Variants in GRM5 observed in about 807,000 individuals in gnomAD.
GRM5 encodes glutamate metabotropic receptor 5.
In GRM5, 19 loss-of-function variants were observed where a neutral mutation model predicts 83.1. The observed-to-expected ratio is 0.23, with a 90% CI of 0.16 to 0.34. GRM5 has a LOEUF of 0.34. GRM5 is among the 10% of genes least tolerant of loss of function. The pLI is 1.00. For synonymous variants in GRM5, 675 were observed against 633.6 expected (o/e 1.07, Z -0.98); for missense variants, 1,160 against 1,588.3 (o/e 0.73, Z 4.58).
intron 3 of GRM5, among the ~76,000 whole-genome samples, chr11:88,751,663 G>C (rs150354376): frequency 6.6e-6 from 1 of 151,964 alleles, no homozygotes; most frequent in South Asian, 2.1e-4. Flanking sequence ...GGAAAGTTCA[G>C]GCCAATATCC....
intron 3 of GRM5, among the ~76,000 whole-genome samples, chr11:88,707,829 T>A (rs1941197312): frequency 6.6e-6 from 1 of 152,150 alleles, no homozygotes; most frequent in Non-Finnish European, 1.5e-5. Context: ...TCATATTATA[T>A]CATTAAAACC....
At chr11:89,046,204 C>G (rs1343490130) in intron 2 of GRM5, among the ~76,000 whole-genome samples, 1 of 152,156 alleles carries the variant, frequency 6.6e-6, no homozygotes, top group African/African-American at 2.4e-5. Context: ...TATTCCTAAC[C>G]TCTGAAGTGG....
In GRM5 at chr11:88,505,632, C is replaced by T. The variant is rs1941165684; in HGVS notation, c.*2960G>A. 1 of 152,206 alleles carries T rather than the reference C, an allele frequency of 6.6e-6. No individual in the cohort carries two copies. The allele number at this position is 152,206 out of a possible 1,614,324, so 9.4% of individuals were successfully genotyped here. Reference sequence around the variant, plus strand: ...ATCCAGATATGTTCTTCTTAGGCTGCCCCCACTCCTTTCCCAAAATGGAAG... The same window carrying T: ...ATCCAGATATGTTCTTCTTAGGCTGTCCCCACTCCTTTCCCAAAATGGAAG... On this transcript the variant is annotated 3_prime_UTR_variant, in exon 10 of 10. Coordinates refer to ENST00000305447, the MANE Select transcript of GRM5 (RefSeq NM_001143831.3).
At chr11:88,691,308 T>C (rs1373264285) in intron 3 of GRM5, among the ~76,000 whole-genome samples, 1 of 152,214 alleles carries the variant, frequency 6.6e-6, no homozygotes, top group African/African-American at 2.4e-5. Context: ...TTTATCCATG[T>C]AGTCATTTTC....
intron 2 of GRM5, among the ~76,000 whole-genome samples, chr11:88,983,796 A>C (rs562944966): frequency 1.2e-4 from 19 of 152,186 alleles, no homozygotes; most frequent in South Asian, 6.2e-4. Flanking sequence ...TTACCATAGG[A>C]GGTAATGCCC....
At chr11:88,953,510 T>A (rs624913) in intron 2 of GRM5, among the ~76,000 whole-genome samples, 1 of 152,010 alleles carries the variant, frequency 6.6e-6, no homozygotes, top group Non-Finnish European at 1.5e-5. Flanking sequence ...ATATACACTC[T>A]GATGGCCTGT....
intron 4 of GRM5, among the ~76,000 whole-genome samples, chr11:88,639,323 A>G (rs1438312042): frequency 1.3e-5 from 2 of 152,078 alleles, no homozygotes; most frequent in Non-Finnish European, 2.9e-5. Flanking sequence ...GTGCTCTACA[A>G]ACTCTAGCTT....
chr11:88,662,080 C>T (rs1939921477), intron 3 of GRM5, among the ~76,000 whole-genome samples: 1 of 152,056 alleles, frequency 6.6e-6, no homozygotes, highest in South Asian at 2.1e-4. Flanking sequence ...AAGTCAGGAA[C>T]TTGAAATTTG....
At chr11:89,026,068 G>T (rs1941124250) in intron 2 of GRM5, among the ~76,000 whole-genome samples, 2 of 152,060 alleles carry the variant, frequency 1.3e-5, no homozygotes, top group Admixed American at 6.6e-5. Flanking sequence ...CTCAAGAATA[G>T]AAAAATACCA....
intron 3 of GRM5, among the ~76,000 whole-genome samples, chr11:88,793,024 A>G (rs1943205807): frequency 6.6e-6 from 1 of 152,024 alleles, no homozygotes; most frequent in South Asian, 2.1e-4. Flanking sequence ...TTCTGATACT[A>G]TTTAGAGTAT....
intron 1 of GRM5, among the ~76,000 whole-genome samples, chr11:89,061,590 T>C (rs1014519727): frequency 1.3e-5 from 2 of 152,218 alleles, no homozygotes; most frequent in Non-Finnish European, 2.9e-5. Context: ...GTTAATCAAG[T>C]ATTCCCAAAG....
chr11:88,680,616 C>A (rs1591436186), intron 3 of GRM5, among the ~76,000 whole-genome samples: 1 of 152,124 alleles, frequency 6.6e-6, no homozygotes, highest in Admixed American at 6.6e-5. Context: ...TTGACCCAGC[C>A]ATCCCATTAC....
chr11:88,545,996 A>T (rs1228062718), intron 8 of GRM5, among the ~76,000 whole-genome samples: 1 of 151,944 alleles, frequency 6.6e-6, no homozygotes, highest in Non-Finnish European at 1.5e-5. Context: ...TTTTACTTTA[A>T]TCACAATGGA....
chr11:88,597,494 C>A, intron 5 of GRM5, 142 bp from the exon 6 acceptor site: 2 of 511,034 alleles, frequency 3.9e-6, no homozygotes, highest in Non-Finnish European at 3.4e-6. Context: ...CTTAGAATAA[C>A]AAAAAAAATC....
intron 4 of GRM5, among the ~76,000 whole-genome samples, chr11:88,615,525 CCTT>C (rs933845484): frequency 6.6e-6 from 1 of 152,034 alleles, no homozygotes; most frequent in South Asian, 2.1e-4. Context: ...TGACCTTTCA[CCTT>C]CTTCAGGTAG....
chr11:88,960,044 G>A (rs56016862), intron 2 of GRM5, among the ~76,000 whole-genome samples: 2 of 152,122 alleles, frequency 1.3e-5, no homozygotes, highest in African/African-American at 4.8e-5. Flanking sequence ...TGCAGACTCC[G>A]GGTAAAGCAT....
At chr11:88,833,412 G>A (rs1421154534) in intron 3 of GRM5, among the ~76,000 whole-genome samples, 1 of 152,124 alleles carries the variant, frequency 6.6e-6, no homozygotes, top group African/African-American at 2.4e-5. Flanking sequence ...CCAGGGAAAT[G>A]TAAGTCAAAA....
At chr11:88,974,592 C>T (rs1385385614) in intron 2 of GRM5, among the ~76,000 whole-genome samples, 1 of 152,120 alleles carries the variant, frequency 6.6e-6, no homozygotes, top group Non-Finnish European at 1.5e-5. Context: ...AGAGCATAGT[C>T]CCCAATATAG....
intron 7 of GRM5, among the ~76,000 whole-genome samples, chr11:88,582,661 G>A (rs1364519106): frequency 6.6e-6 from 1 of 152,036 alleles, no homozygotes. Flanking sequence ...TTCCTCTAAA[G>A]AATCATAAAC....
Sources: gnomAD v4.1 joint callset for allele counts (sites outside exome capture counted in the v4.1 genomes callset) on GRCh38, gnomAD v4.1.1 for gene constraint, MANE v1.5 for transcripts, NCBI Gene and HGNC (gene_info 2026-07-23, HGNC 2026-07-21) for gene names.